CCDC138: variants seen among roughly 807,000 people sequenced by gnomAD.
CCDC138 encodes coiled-coil domain-containing protein 138.
A neutral mutation model predicts 82.3 loss-of-function variants in CCDC138; 66 were observed. That is an observed-to-expected ratio of 0.80 (90% CI 0.66 to 0.98). The LOEUF (loss-of-function observed/expected upper bound fraction) is 0.98. Ranked by LOEUF, CCDC138 falls within the 50% of genes least tolerant of loss-of-function variation. The pLI is 0.00. For synonymous variants in CCDC138, 297 were observed against 265.4 expected (o/e 1.12, Z -1.16); for missense variants, 816 against 758.9 (o/e 1.08, Z -0.88).
intron 6 of CCDC138, among the ~76,000 whole-genome samples, chr2:108,802,756 G>A (rs990464402): frequency 4.0e-5 from 6 of 150,616 alleles, no homozygotes; most frequent in African/African-American, 7.3e-5. Flanking sequence ...GTATGATATC[G>A]GCTGTGGGTT....
At chr2:108,787,339 A>G (rs1164995067) in intron 1 of CCDC138, among the ~76,000 whole-genome samples, 4 of 152,176 alleles carry the variant, frequency 2.6e-5, no homozygotes, top group African/African-American at 7.2e-5. Flanking sequence ...ATTTTGCCAC[A>G]TTGGCTTTAC....
intron 11 of CCDC138, among the ~76,000 whole-genome samples, chr2:108,844,829 C>CCT (rs1296106631): frequency 6.6e-6 from 1 of 150,990 alleles, no homozygotes; most frequent in African/African-American, 2.4e-5. Flanking sequence ...CTCACTGCAA[C>CCT]CTCCGACTCC....
chr2:108,853,994 A>T (rs1367216550), intron 12 of CCDC138, among the ~76,000 whole-genome samples: 2 of 10,694 alleles, frequency 1.9e-4, no homozygotes, highest in African/African-American at 3.2e-4. Flanking sequence ...ATATATAATA[A>T]ATTTATATTA....
At chr2:108,796,706 A>G (rs537507062) in intron 5 of CCDC138, among the ~76,000 whole-genome samples, 8 of 152,270 alleles carry the variant, frequency 5.3e-5, no homozygotes, top group Middle Eastern at 3.4e-3. Context: ...ATATTAAGAG[A>G]AATAAGCCAG....
chr2:108,845,667 G>A (rs1318188734), intron 11 of CCDC138, among the ~76,000 whole-genome samples: 2 of 149,652 alleles, frequency 1.3e-5, no homozygotes, highest in African/African-American at 4.9e-5. Context: ...CGCCTCCCGT[G>A]TTCACACCAT....
chr2:108,845,203 G>T (rs1347598225), intron 11 of CCDC138, among the ~76,000 whole-genome samples: 1 of 151,868 alleles, frequency 6.6e-6, no homozygotes, highest in Non-Finnish European at 1.5e-5. Context: ...TTACACAAAG[G>T]TTTAAAAACA....
At chr2:108,805,497 G>A (rs1682706510) in intron 7 of CCDC138, among the ~76,000 whole-genome samples, 2 of 151,862 alleles carry the variant, frequency 1.3e-5, no homozygotes, top group African/African-American at 2.4e-5. Flanking sequence ...AGGCTGAGGT[G>A]GGCGGATCAC....
At chr2:108,840,688 A>C (rs1019271030) in intron 11 of CCDC138, among the ~76,000 whole-genome samples, 2 of 151,996 alleles carry the variant, frequency 1.3e-5, no homozygotes, top group Non-Finnish European at 2.9e-5. Flanking sequence ...CTTGATATGG[A>C]TAATTTGTGT....
At position 108,798,446 on chromosome 2, in the gene CCDC138, C is replaced by G; in HGVS notation, c.595C>G (p.Gln199Glu). 6.2e-7 allele frequency: 1 copy of G among 1,612,968 alleles called. No homozygotes were observed. Among genetic ancestry groups the G allele is most frequent in the Non-Finnish European group, 8.5e-7 (1 of 1,179,604 alleles). The change falls in exon 6 of 15, where the codon CAG becomes GAG. Residue 199 changes from glutamine to glutamate, a missense_variant. Gln to Glu is a conservative substitution (Grantham distance 29). Transcript: ENST00000295124. ...GATACAGTGTGAAACTGCAGCACAACAGAAATTTGCTGAAGAACTTCAAAA... is the reference window on the plus strand; with the variant it reads ...GATACAGTGTGAAACTGCAGCACAAGAGAAATTTGCTGAAGAACTTCAAAA... ...LKLQCETAAQ[Q>E]KFAEELQKRE...
chr2:108,828,595 A>G (rs1687032184), intron 10 of CCDC138, among the ~76,000 whole-genome samples: 1 of 152,224 alleles, frequency 6.6e-6, no homozygotes, highest in Non-Finnish European at 1.5e-5. Flanking sequence ...CACTCAGTGG[A>G]GGAAGGACAG....
chr2:108,838,630 T>C (rs990359184), intron 10 of CCDC138, among the ~76,000 whole-genome samples: 6 of 152,184 alleles, frequency 3.9e-5, no homozygotes, highest in African/African-American at 1.2e-4. Context: ...TAGACATCCT[T>C]AAACAGTTAA....
In CCDC138 at chr2:108,805,023, A is replaced by G; in HGVS notation, c.855+15A>G. ...TAAAAAAACAGGTAAGACCTGTTTT[A>G]ATATATACTGAACATAAGACATTCT... On this transcript the variant is annotated intron_variant, in intron 7 of 14. Transcript: ENST00000295124. 1 of 1,396,026 alleles carries G rather than the reference A, an allele frequency of 7.2e-7. No homozygotes were observed. Among genetic ancestry groups the G allele is most frequent in the Non-Finnish European group, 9.7e-7 (1 of 1,034,614 alleles). The allele number at this position is 1,396,026 out of a possible 1,614,324, so 86.5% of individuals were successfully genotyped here.
intron 10 of CCDC138, among the ~76,000 whole-genome samples, chr2:108,833,131 G>A (rs1485793890): frequency 2.0e-5 from 3 of 152,208 alleles, no homozygotes. Flanking sequence ...CAGAGCACAG[G>A]CAATGTTTAG....
chr2:108,862,314 GT>G (rs1400419189), intron 13 of CCDC138, among the ~76,000 whole-genome samples: 1 of 152,094 alleles, frequency 6.6e-6, no homozygotes, highest in African/African-American at 2.4e-5. Context: ...GAGGTTCCAT[GT>G]TTCAAAGCAT....
At chr2:108,847,096 G>A (rs1191294668) in intron 12 of CCDC138, among the ~76,000 whole-genome samples, 166 bp downstream of exon 12, 1 of 152,198 alleles carries the variant, frequency 6.6e-6, no homozygotes, top group Non-Finnish European at 1.5e-5. Flanking sequence ...CTGAATTTGA[G>A]AAATTGAAGT....
chr2:108,868,226 G>A (rs1694716577), intron 13 of CCDC138, among the ~76,000 whole-genome samples: 2 of 152,068 alleles, frequency 1.3e-5, no homozygotes, highest in African/African-American at 4.8e-5. Context: ...TAAGTTACTC[G>A]CGATAGATTT....
intron 9 of CCDC138, among the ~76,000 whole-genome samples, chr2:108,813,364 T>C (rs1195363792): frequency 6.6e-6 from 1 of 152,038 alleles, no homozygotes; most frequent in Non-Finnish European, 1.5e-5. Flanking sequence ...GAATGTTTGC[T>C]ATGGAAGGGA....
intron 10 of CCDC138, among the ~76,000 whole-genome samples, chr2:108,827,368 A>G (rs1359543035): frequency 6.6e-6 from 1 of 152,206 alleles, no homozygotes; most frequent in Non-Finnish European, 1.5e-5. Context: ...AAAATAAATA[A>G]AAGAGAAAAT....
intron 3 of CCDC138, 24 bp from the exon 4 acceptor site, chr2:108,791,651 T>G: frequency 1.3e-6 from 2 of 1,598,532 alleles, no homozygotes; most frequent in Non-Finnish European, 1.7e-6. Flanking sequence ...TCTAGATTGC[T>G]GTGATACAAT....
Sources: gnomAD v4.1 joint callset for allele counts (sites outside exome capture counted in the v4.1 genomes callset) on GRCh38, gnomAD v4.1.1 for gene constraint, MANE v1.5 for transcripts, NCBI Gene and HGNC (gene_info 2026-07-23, HGNC 2026-07-21) for gene names.